Variants in IGF1R observed in about 807,000 individuals in gnomAD.
The protein encoded by IGF1R is insulin like growth factor 1 receptor.
In IGF1R, 44 loss-of-function variants were observed where a neutral mutation model predicts 144.6. The ratio of observed to expected loss-of-function variants is 0.30; its 90% CI spans 0.24 to 0.39. The LOEUF (loss-of-function observed/expected upper bound fraction) is 0.39, where lower values mean the gene tolerates loss of function less well. Among genes scored for constraint, IGF1R ranks in the 10% least tolerant of loss-of-function variants. The pLI is 1.00. For synonymous variants in IGF1R, 795 were observed against 722.8 expected (o/e 1.10, Z -1.60); for missense variants, 1,355 against 1,833.7 (o/e 0.74, Z 4.77).
chr15:98,671,206 C>T (rs2052882312), intron 1 of IGF1R, among the ~76,000 whole-genome samples: 1 of 152,214 alleles, frequency 6.6e-6, no homozygotes, highest in Non-Finnish European at 1.5e-5. Context: ...TTGCATGGGT[C>T]TTTGCATTTT....
At chr15:98,661,341 A>G (rs2052593611) in intron 1 of IGF1R, among the ~76,000 whole-genome samples, 1 of 152,216 alleles carries the variant, frequency 6.6e-6, no homozygotes, top group Non-Finnish European at 1.5e-5. Flanking sequence ...ACCTCTGGAC[A>G]GAAGAAAGCT....
chr15:98,672,609 G>A (rs1435719123), intron 1 of IGF1R, among the ~76,000 whole-genome samples: 1 of 150,964 alleles, frequency 6.6e-6, no homozygotes, highest in Non-Finnish European at 1.5e-5. Context: ...TAGCAAAAGT[G>A]CCTACAGTTC....
intron 17 of IGF1R, among the ~76,000 whole-genome samples, chr15:98,938,286 A>G (rs749160639): frequency 6.6e-6 from 1 of 152,194 alleles, no homozygotes; most frequent in Non-Finnish European, 1.5e-5. Context: ...TCAGAGCCCT[A>G]TGGCTTTGCA....
chr15:98,727,857 G>A (rs983823070), intron 2 of IGF1R, among the ~76,000 whole-genome samples: 13 of 152,126 alleles, frequency 8.5e-5, no homozygotes, highest in African/African-American at 2.2e-4. Flanking sequence ...GAAGGAATGC[G>A]GGCCAGGCCG....
chr15:98,864,120 T>G (rs2012303369), intron 2 of IGF1R, among the ~76,000 whole-genome samples: 1 of 151,430 alleles, frequency 6.6e-6, no homozygotes, highest in African/African-American at 2.4e-5. Context: ...CCTGTCATGG[T>G]AGCATGCACC....
At chr15:98,752,735 C>G (rs2055044640) in intron 2 of IGF1R, among the ~76,000 whole-genome samples, 1 of 151,662 alleles carries the variant, frequency 6.6e-6, no homozygotes, top group Non-Finnish European at 1.5e-5. Flanking sequence ...ATGTACCTGA[C>G]ATGTGAATAA....
chr15:98,682,945 C>T (rs746191625), intron 1 of IGF1R, among the ~76,000 whole-genome samples: 27 of 151,176 alleles, frequency 1.8e-4, no homozygotes, highest in East Asian at 1.6e-3. Flanking sequence ...GAGCAGGCTC[C>T]GGGGCACCAC....
chr15:98,895,231 C>CACACAA (rs1555457905), intron 3 of IGF1R, among the ~76,000 whole-genome samples: 93 of 40,004 alleles, frequency 2.3e-3, no homozygotes, highest in African/African-American at 5.9e-3. Flanking sequence ...ACCACACACA[C>CACACAA]ACACACACAC....
chr15:98,913,417 C>T, intron 8 of IGF1R, 135 bp downstream of exon 8: 2 of 792,440 alleles, frequency 2.5e-6, no homozygotes, highest in Non-Finnish European at 4.5e-6. Flanking sequence ...AATACTGTGT[C>T]ATATTCATTT....
At chr15:98,941,103 G>C (rs1335235105) in intron 18 of IGF1R, among the ~76,000 whole-genome samples, 3 of 152,238 alleles carry the variant, frequency 2.0e-5, no homozygotes, top group Non-Finnish European at 4.4e-5. Flanking sequence ...AGGTGGGCCA[G>C]TTCTGCCGCT....
rs147302920 is a variant in IGF1R, at chr15:98,882,163, G to A, written c.641-9162G>A. ...TTAGAATAGGTCTAGGGCGTGTTGCGTGAGTGGTGACTGAGTAAGATGTTC... is the reference window on the plus strand; with the variant it reads ...TTAGAATAGGTCTAGGGCGTGTTGCATGAGTGGTGACTGAGTAAGATGTTC... On this transcript the variant is annotated intron_variant, in intron 2 of 20. Transcript: ENST00000650285. 5.9e-5 allele frequency among the ~76,000 whole-genome samples: 9 copies of A among 152,346 alleles called. No homozygotes were observed. In the South Asian group the frequency reaches 1.7e-3, roughly 28 times the overall value.
chr15:98,694,873 C>T (rs757642351), intron 1 of IGF1R, among the ~76,000 whole-genome samples: 4 of 151,988 alleles, frequency 2.6e-5, no homozygotes, highest in African/African-American at 7.3e-5. Flanking sequence ...GTAAGCAGTG[C>T]GTGGAAGGAA....
At chr15:98,865,535 TTCGGCA>T (rs1307303645) in intron 2 of IGF1R, among the ~76,000 whole-genome samples, 8 of 152,222 alleles carry the variant, frequency 5.3e-5, no homozygotes, top group African/African-American at 1.9e-4. Flanking sequence ...CACGCTGGGC[TTCGGCA>T]TGTGCTAAAG....
intron 6 of IGF1R, 63 bp downstream of exon 6, chr15:98,908,962 C>G: frequency 6.9e-7 from 1 of 1,441,054 alleles, no homozygotes; most frequent in Non-Finnish European, 9.6e-7. Flanking sequence ...ACCCTCCTCC[C>G]ATGTGTGATG....
At chr15:98,824,822 ATTT>A (rs917732890) in intron 2 of IGF1R, among the ~76,000 whole-genome samples, 18 of 150,658 alleles carry the variant, frequency 1.2e-4, no homozygotes, top group African/African-American at 4.4e-4. Flanking sequence ...TTCGTTCTTT[ATTT>A]TTTAACTTTT....
intron 2 of IGF1R, among the ~76,000 whole-genome samples, chr15:98,844,624 G>GT (rs2011245505): frequency 6.6e-6 from 1 of 150,712 alleles, no homozygotes; most frequent in Non-Finnish European, 1.5e-5. Context: ...ATTTGTGTGT[G>GT]TGTGTGTGTG....
At chr15:98,684,558 G>A (rs1574213) in intron 1 of IGF1R, among the ~76,000 whole-genome samples, 29,303 of 152,112 alleles carry the variant, frequency 0.19, 3,044 homozygotes, top group Non-Finnish European at 0.22. Context: ...TTAATACTTA[G>A]CACAGCCCTC....
chr15:98,872,126 A>T (rs2012817204), intron 2 of IGF1R, among the ~76,000 whole-genome samples: 2 of 152,258 alleles, frequency 1.3e-5, no homozygotes, highest in South Asian at 4.1e-4. Flanking sequence ...GTCTTGGGTA[A>T]ACCCATGTCC....
intron 1 of IGF1R, among the ~76,000 whole-genome samples, chr15:98,691,024 A>T (rs184719496): frequency 6.6e-6 from 1 of 152,350 alleles, no homozygotes; most frequent in Non-Finnish European, 1.5e-5. Context: ...GTCTAGAGAG[A>T]TCCCATGTAC....
Sources: gnomAD v4.1 joint callset for allele counts (sites outside exome capture counted in the v4.1 genomes callset) on GRCh38, gnomAD v4.1.1 for gene constraint, MANE v1.5 for transcripts, NCBI Gene and HGNC (gene_info 2026-07-23, HGNC 2026-07-21) for gene names.